PTPRT: variants seen among roughly 807,000 people sequenced by gnomAD.
PTPRT encodes the protein protein tyrosine phosphatase receptor type T, also known as receptor-type tyrosine-protein phosphatase T.
PTPRT carries 56 observed loss-of-function variants against 176.8 expected under a neutral mutation model. That is an observed-to-expected ratio of 0.32 (90% CI 0.26 to 0.40). PTPRT has a LOEUF of 0.40. Among genes scored for constraint, PTPRT ranks in the 10% least tolerant of loss-of-function variants. The probability of loss-of-function intolerance (pLI) is 1.00; values close to 1 mark genes in which losing one functional copy is unlikely to be tolerated. For synonymous variants in PTPRT, 783 were observed against 739.0 expected (o/e 1.06, Z -0.96); for missense variants, 1,540 against 1,908.2 (o/e 0.81, Z 3.60).
intron 16 of PTPRT, among the ~76,000 whole-genome samples, chr20:42,184,614 T>TCTTCTTCTCCTC (rs1990692690): frequency 2.8e-5 from 4 of 142,662 alleles, no homozygotes; most frequent in African/African-American, 1.1e-4. Flanking sequence ...TTCTTCTTCT[T>TCTTCTTCTCCTC]CTCCTCCTTC....
chr20:42,532,564 G>C (rs1231357791), intron 7 of PTPRT, among the ~76,000 whole-genome samples: 3 of 152,144 alleles, frequency 2.0e-5, no homozygotes, highest in Non-Finnish European at 4.4e-5. Context: ...ACCATGACTT[G>C]TTAACTTTTA....
intron 9 of PTPRT, among the ~76,000 whole-genome samples, chr20:42,402,030 T>C (rs1416472032): frequency 6.6e-6 from 1 of 152,130 alleles, no homozygotes; most frequent in Non-Finnish European, 1.5e-5. Flanking sequence ...TTCGCTCTGA[T>C]TCTAATCAGG....
At chr20:42,256,944 A>G (rs2056652635) in intron 13 of PTPRT, among the ~76,000 whole-genome samples, 1 of 152,194 alleles carries the variant, frequency 6.6e-6, no homozygotes, top group African/African-American at 2.4e-5. Flanking sequence ...CCCAAGAGAA[A>G]GAAGGCTCCT....
chr20:42,534,614 C>T (rs900909799), intron 7 of PTPRT, among the ~76,000 whole-genome samples: 12 of 151,956 alleles, frequency 7.9e-5, no homozygotes, highest in East Asian at 1.9e-4. Context: ...CCAGCCTGGG[C>T]GACAGAGCGA....
At chr20:42,613,518 T>C (rs1465582165) in intron 7 of PTPRT, among the ~76,000 whole-genome samples, 1 of 152,238 alleles carries the variant, frequency 6.6e-6, no homozygotes, top group Non-Finnish European at 1.5e-5. Flanking sequence ...TTATCATATG[T>C]AAATGTAAGT....
intron 5 of PTPRT, among the ~76,000 whole-genome samples, chr20:42,770,245 C>G (rs899362847): frequency 6.6e-6 from 1 of 152,142 alleles, no homozygotes; most frequent in African/African-American, 2.4e-5. Flanking sequence ...GCCTCAGCCT[C>G]CCAAGTAGCT....
chr20:42,924,372 G>A (rs539955849), intron 1 of PTPRT, among the ~76,000 whole-genome samples: 7 of 152,248 alleles, frequency 4.6e-5, no homozygotes, highest in East Asian at 3.9e-4. Context: ...GGATGCAGCC[G>A]CGGTCTGATA....
intron 7 of PTPRT, among the ~76,000 whole-genome samples, chr20:42,536,217 A>T (rs1455201472): frequency 6.6e-6 from 1 of 152,126 alleles, no homozygotes; most frequent in Admixed American, 6.5e-5. Flanking sequence ...TTATTTTTTC[A>T]ATTCAAAAGA....
chr20:42,067,162 G>A, the PTPRT span, among the ~76,000 whole-genome samples: 3 of 152,198 alleles, frequency 2.0e-5, no homozygotes, highest in African/African-American at 7.2e-5. Context: ...CCAGAAAAGG[G>A]AAGGGATAGT....
chr20:42,603,384 G>T (rs990995456), intron 7 of PTPRT, among the ~76,000 whole-genome samples: 1 of 152,080 alleles, frequency 6.6e-6, no homozygotes, highest in Non-Finnish European at 1.5e-5. Flanking sequence ...GGGGACAAAC[G>T]ATTTAGACAA....
intron 16 of PTPRT, among the ~76,000 whole-genome samples, chr20:42,165,291 A>G (rs1360887264): frequency 6.6e-6 from 1 of 152,226 alleles, no homozygotes; most frequent in Non-Finnish European, 1.5e-5. Context: ...ATATTTAATG[A>G]GTACCTATAC....
intron 1 of PTPRT, among the ~76,000 whole-genome samples, chr20:43,177,439 T>C (rs2015147890): frequency 6.6e-6 from 1 of 152,198 alleles, no homozygotes; most frequent in Non-Finnish European, 1.5e-5. Flanking sequence ...CAAAAATCTA[T>C]GGATCACAAA....
chr20:43,072,322 G>C (rs184087534), intron 1 of PTPRT, among the ~76,000 whole-genome samples: 15 of 152,270 alleles, frequency 9.9e-5, no homozygotes, highest in African/African-American at 3.6e-4. Flanking sequence ...CCATCCTAAG[G>C]CCTGAAGCCT....
intron 6 of PTPRT, among the ~76,000 whole-genome samples, chr20:42,718,690 A>C (rs1160106960): frequency 6.6e-6 from 1 of 152,210 alleles, no homozygotes; most frequent in Admixed American, 6.5e-5. Context: ...TAGTAGTCAC[A>C]ATACCTTTGC....
intron 2 of PTPRT, among the ~76,000 whole-genome samples, chr20:42,869,305 C>T (rs2078804298): frequency 6.6e-6 from 1 of 152,120 alleles, no homozygotes; most frequent in African/African-American, 2.4e-5. Context: ...AGACAGGCAC[C>T]CAACCCCAAC....
intron 7 of PTPRT, among the ~76,000 whole-genome samples, chr20:42,648,820 GTT>G (rs68036487): frequency 0.23 from 25,682 of 111,208 alleles, 2,295 homozygotes; most frequent in East Asian, 0.35. Flanking sequence ...TGGTGTCGTT[GTT>G]TTTTTTTTTT....
intron 1 of PTPRT, among the ~76,000 whole-genome samples, chr20:43,017,359 C>G (rs987302888): frequency 3.3e-5 from 5 of 152,120 alleles, no homozygotes; most frequent in Non-Finnish European, 7.3e-5. Context: ...TCTCATTCCT[C>G]TCTGTTTACC....
intron 7 of PTPRT, among the ~76,000 whole-genome samples, chr20:42,634,096 TA>T (rs1380957155): frequency 8.4e-5 from 4 of 47,778 alleles, no homozygotes; most frequent in African/African-American, 4.3e-4. Context: ...AATATAATAA[TA>T]TATATATTAT....
intron 2 of PTPRT, among the ~76,000 whole-genome samples, chr20:42,858,413 T>C (rs2078602550): frequency 6.6e-6 from 1 of 152,178 alleles, no homozygotes. Flanking sequence ...GATGATCAGA[T>C]AGTGCTATCA....
Sources: gnomAD v4.1 joint callset for allele counts (sites outside exome capture counted in the v4.1 genomes callset) on GRCh38, gnomAD v4.1.1 for gene constraint, MANE v1.5 for transcripts, NCBI Gene and HGNC (gene_info 2026-07-23, HGNC 2026-07-21) for gene names.